Variants in CCND3 observed in about 807,000 individuals in gnomAD.
The protein encoded by CCND3 is cyclin D3.
Under a neutral mutation model 28.7 loss-of-function variants are expected in CCND3, and 9 were observed. The ratio of observed to expected loss-of-function variants is 0.31; its 90% CI spans 0.19 to 0.55. The LOEUF (loss-of-function observed/expected upper bound fraction) is 0.55. CCND3 is among the 20% of genes least tolerant of loss of function. The pLI is 0.93. For synonymous variants in CCND3, 164 were observed against 163.9 expected, an observed-to-expected ratio of 1.00 and a Z score of 0.00; for missense variants, 315 against 385.8, an observed-to-expected ratio of 0.82 and a Z score of 1.54.
At chr6:41,947,272 C>T (rs1305932095) in intron 1 of CCND3, among the ~76,000 whole-genome samples, 1 of 151,950 alleles carries the variant, frequency 6.6e-6, no homozygotes, top group East Asian at 1.9e-4. Context: ...ATTTAAAATC[C>T]CAACACAGCA....
At chr6:41,962,442 T>G (rs117454520) in intron 1 of CCND3, among the ~76,000 whole-genome samples, 2 of 152,190 alleles carry the variant, frequency 1.3e-5, no homozygotes, top group East Asian at 3.9e-4. Context: ...CACATGTGCT[T>G]CTTTTGCTCC....
intron 1 of CCND3, among the ~76,000 whole-genome samples, chr6:41,987,507 CTCTCTCTCTCTGTGTGTGTG>C (rs1398108887): frequency 7.6e-4 from 48 of 63,256 alleles, no homozygotes; most frequent in African/African-American, 1.2e-3. Context: ...CTCTCTCTCT[CTCTCTCTCTCTGTGTGTGTG>C]TGTGTGTGTG....
At chr6:41,978,103 G>C (rs1281380713) in intron 1 of CCND3, among the ~76,000 whole-genome samples, 2 of 151,902 alleles carry the variant, frequency 1.3e-5, no homozygotes, top group African/African-American at 4.8e-5. Flanking sequence ...GACAGGGCGT[G>C]GTGGCTCATG....
At chr6:42,036,327 A>G (rs1016804572) in intron 1 of CCND3, among the ~76,000 whole-genome samples, 10 of 124,396 alleles carry the variant, frequency 8.0e-5, no homozygotes, top group Admixed American at 1.7e-4. Context: ...TATATATAAA[A>G]TATATATATG....
chr6:41,978,328 G>A (rs1762238445), intron 1 of CCND3, among the ~76,000 whole-genome samples: 1 of 149,394 alleles, frequency 6.7e-6, no homozygotes, highest in Non-Finnish European at 1.5e-5. Flanking sequence ...GAACTGAGAT[G>A]GCCACTGCAT....
At chr6:42,041,138 A>G (rs1411711955) in intron 1 of CCND3, among the ~76,000 whole-genome samples, 3 of 152,184 alleles carry the variant, frequency 2.0e-5, no homozygotes, top group Admixed American at 1.3e-4. Context: ...GCACCAAAAA[A>G]TGACTTCTAG....
At chr6:41,968,490 G>A (rs1194842972) in intron 1 of CCND3, among the ~76,000 whole-genome samples, 1 of 152,092 alleles carries the variant, frequency 6.6e-6, no homozygotes, top group African/African-American at 2.4e-5. Context: ...TACTTGGGAG[G>A]CTAAGGCAGG....
chr6:41,957,930 C>T (rs1776479292), intron 1 of CCND3, among the ~76,000 whole-genome samples: 1 of 152,048 alleles, frequency 6.6e-6, no homozygotes, highest in Non-Finnish European at 1.5e-5. Flanking sequence ...AGCAATCCTC[C>T]TACCTCGGCT....
At chr6:41,970,926 T>C (rs12204399) in intron 1 of CCND3, among the ~76,000 whole-genome samples, 30,744 of 144,548 alleles carry the variant, frequency 0.21, 3,455 homozygotes, top group Non-Finnish European at 0.27. Flanking sequence ...CTTTTTTTTT[T>C]CCCCCCCTTG....
At chr6:41,956,107 C>A (rs1190562368) in intron 1 of CCND3, among the ~76,000 whole-genome samples, 1 of 152,068 alleles carries the variant, frequency 6.6e-6, no homozygotes, top group Non-Finnish European at 1.5e-5. Context: ...GCCTGGCCAA[C>A]ATGGTGAAAC....
chr6:42,042,533 T>C (rs1764404123), intron 1 of CCND3, among the ~76,000 whole-genome samples: 1 of 152,104 alleles, frequency 6.6e-6, no homozygotes, highest in African/African-American at 2.4e-5. Context: ...GCTAATTTTG[T>C]CTTTTTAGTA....
chr6:42,038,207 T>A (rs1764281917), intron 1 of CCND3, among the ~76,000 whole-genome samples: 1 of 152,032 alleles, frequency 6.6e-6, no homozygotes, highest in Admixed American at 6.6e-5. Context: ...TTATTCACAT[T>A]TTTACCTCTT....
At chr6:42,022,316 A>C (rs931059081) in intron 1 of CCND3, among the ~76,000 whole-genome samples, 1 of 152,208 alleles carries the variant, frequency 6.6e-6, no homozygotes, top group African/African-American at 2.4e-5. Flanking sequence ...TACACACTGG[A>C]ATGAGTGAAT....
At chr6:42,029,798 T>C (rs921068647) in intron 1 of CCND3, among the ~76,000 whole-genome samples, 2 of 148,990 alleles carry the variant, frequency 1.3e-5, no homozygotes, top group African/African-American at 5.0e-5. Flanking sequence ...GATCACAACA[T>C]TGCACTCCAG....
chr6:42,033,489 TAC>T (rs144583266), intron 1 of CCND3, among the ~76,000 whole-genome samples: 33 of 149,738 alleles, frequency 2.2e-4, no homozygotes, highest in African/African-American at 7.1e-4. Context: ...TATGCACACA[TAC>T]ACACACACAC....
At chr6:41,977,332 A>G (rs1414095984) in intron 1 of CCND3, among the ~76,000 whole-genome samples, 1 of 152,140 alleles carries the variant, frequency 6.6e-6, no homozygotes, top group Non-Finnish European at 1.5e-5. Context: ...CTGAACACCA[A>G]ACCGTTGAGG....
At chr6:42,027,471 A>AC (rs1417497041) in intron 1 of CCND3, among the ~76,000 whole-genome samples, 1 of 150,220 alleles carries the variant, frequency 6.7e-6, no homozygotes, top group Non-Finnish European at 1.5e-5. Context: ...ACCCGACTCC[A>AC]CCCCCACCTA....
intron 1 of CCND3, among the ~76,000 whole-genome samples, chr6:42,035,028 T>A (rs1171662790): frequency 1.3e-5 from 2 of 152,200 alleles, no homozygotes; most frequent in African/African-American, 4.8e-5. Context: ...TAAATGGTAA[T>A]GGCCATCTTT....
chr6:42,008,271 G>A (rs567201747), intron 1 of CCND3, among the ~76,000 whole-genome samples: 11 of 152,142 alleles, frequency 7.2e-5, no homozygotes, highest in African/African-American at 2.4e-4. Flanking sequence ...CCAGCTACTC[G>A]GGAGGCTGAG....
Sources: gnomAD v4.1 joint callset for allele counts (sites outside exome capture counted in the v4.1 genomes callset) on GRCh38, gnomAD v4.1.1 for gene constraint, MANE v1.5 for transcripts, NCBI Gene and HGNC (gene_info 2026-07-23, HGNC 2026-07-21) for gene names.